ARHGEF1: variants seen among roughly 807,000 people sequenced by gnomAD.
ARHGEF1 encodes 115 kDa guanine nucleotide exchange factor.
Under a neutral mutation model 119.7 loss-of-function variants are expected in ARHGEF1, and 40 were observed. That is an observed-to-expected ratio of 0.33 (90% confidence interval 0.26 to 0.44). The LOEUF (loss-of-function observed/expected upper bound fraction) is 0.44. Ranked by LOEUF, ARHGEF1 falls within the 20% of genes least tolerant of loss-of-function variation. The probability of loss-of-function intolerance (pLI) is 1.00; values close to 1 mark genes in which losing one functional copy is unlikely to be tolerated. For synonymous variants in ARHGEF1, 494 were observed against 521.0 expected (o/e 0.95, Z 0.71); for missense variants, 976 against 1,268.3 (o/e 0.77, Z 3.50).
chr19:41,898,190 G>A, intron 13 of ARHGEF1: 1 of 1,410,698 alleles, frequency 7.1e-7, no homozygotes, highest in Non-Finnish European at 9.2e-7. Flanking sequence ...CAGAGTCACA[G>A]AGGAATGGGC....
At chr19:41,884,744 G>T (rs2074268281) in intron 1 of ARHGEF1, among the ~76,000 whole-genome samples, 1 of 152,110 alleles carries the variant, frequency 6.6e-6, no homozygotes, top group Non-Finnish European at 1.5e-5. Flanking sequence ...TAGACCAGTG[G>T]CATCCCCTAG....
intron 1 of ARHGEF1, chr19:41,928,618 G>T (rs1388477385): frequency 3.2e-5 from 6 of 186,628 alleles, no homozygotes; most frequent in Non-Finnish European, 1.1e-5. Flanking sequence ...GCGGGGGAGG[G>T]GGCGGGGGCG....
upstream of ARHGEF1, among the ~76,000 whole-genome samples, chr19:41,921,189 A>G (rs145949896): frequency 8.6e-5 from 13 of 151,638 alleles, no homozygotes; most frequent in East Asian, 2.3e-3. The surrounding 1 kb of genome is among the most constrained non-coding windows in gnomAD (Gnocchi z 4.4). Context: ...CTGCTCCCCA[A>G]CCTCACTCGT....
chr19:41,893,146 C>T (rs782608271), intron 7 of ARHGEF1, 128 bp from the exon 8 acceptor site: 46 of 1,320,150 alleles, frequency 3.5e-5, no homozygotes, highest in Non-Finnish European at 4.5e-5. Context: ...CCAATCCCTT[C>T]CACAGTGTCC....
Position 41,902,732 on chromosome 19 carries a change from C to G in ARHGEF1, c.1624-52C>G, listed in dbSNP as rs2074624252. ...ACCCAGACTCCTAGGTGCCTGCGCC[C>G]TGGGGTGAGCCCAAAGCCTGGGCCA... On this transcript the variant is annotated intron_variant, in intron 17 of 28. Transcript: ENST00000354532. This position sits in a 1 kb window ranked among gnomAD's most constrained non-coding sequence, Gnocchi z 6.5. 6 of 1,613,252 alleles carry G rather than the reference C, an allele frequency of 3.7e-6. No homozygotes were observed. The highest frequency in any genetic ancestry group is 2.7e-5 in the African/African-American group (2 of 74,920).
chr19:41,908,642 C>A, downstream of ARHGEF1: 1 of 1,231,666 alleles, frequency 8.1e-7, no homozygotes, highest in Non-Finnish European at 1.0e-6. This position sits in a 1 kb window ranked among gnomAD's most constrained non-coding sequence, Gnocchi z 6.7. Context: ...CATAAGGACC[C>A]AGCAGGCCAG....
At chr19:41,911,828 C>G (rs1195506658), downstream of ARHGEF1, among the ~76,000 whole-genome samples, 2 of 152,156 alleles carry the variant, frequency 1.3e-5, no homozygotes, top group Non-Finnish European at 2.9e-5. Context: ...ACCTATGAGG[C>G]ACAGGCACAG....
At chr19:41,922,405 G>A (rs111408248), upstream of ARHGEF1, among the ~76,000 whole-genome samples, 50 of 152,222 alleles carry the variant, frequency 3.3e-4, no homozygotes, top group African/African-American at 1.1e-3. Flanking sequence ...GGATGGAGCC[G>A]AGAGCTAGAG....
intron 1 of ARHGEF1, chr19:41,923,246 C>G (rs1345444581): frequency 4.4e-6 from 2 of 450,752 alleles, no homozygotes; most frequent in Non-Finnish European, 8.9e-6. Flanking sequence ...CAGTATGACT[C>G]TAGGCCCCCG....
At position 41,905,568 on chromosome 19, in the gene ARHGEF1, C is replaced by T; in HGVS notation, c.2337-192C>T. 1 of 640,402 alleles carries T rather than the reference C, an allele frequency of 1.6e-6. No homozygotes were observed. Among genetic ancestry groups the T allele is most frequent in the South Asian group, 1.9e-5 (1 of 51,714 alleles). 39.7% of individuals were successfully genotyped at this position (640,402 alleles called of 1,614,324 possible). On this transcript the variant is annotated intron_variant, in intron 24 of 28. Transcript: ENST00000354532. The surrounding 1 kb of genome is among the most constrained non-coding windows in gnomAD (Gnocchi z 6.4). ...GCGCATGTGCCGACCCCACCACTGC[C>T]CCGTCTGTCTCCTGTCTCCAGGCCT...
chr19:41,926,648 G>A (rs1000236192), intron 1 of ARHGEF1, among the ~76,000 whole-genome samples: 7 of 152,100 alleles, frequency 4.6e-5, no homozygotes, highest in Admixed American at 6.5e-5. Flanking sequence ...CTGGCCTGCC[G>A]GGCAGCCAGG....
At chr19:41,886,123 G>A (rs1344253514) in intron 1 of ARHGEF1, among the ~76,000 whole-genome samples, 1 of 152,192 alleles carries the variant, frequency 6.6e-6, no homozygotes, top group Non-Finnish European at 1.5e-5. Flanking sequence ...CTTATGAGCT[G>A]TGCCTCAGTT....
chr19:41,898,407 C>T (rs372278157), intron 13 of ARHGEF1, 35 bp from the exon 14 acceptor site: 4 of 1,548,968 alleles, frequency 2.6e-6, no homozygotes, highest in African/African-American at 1.4e-5. Flanking sequence ...TTGGGATGGC[C>T]CAAGCTGGGG....
intron 4 of ARHGEF1, among the ~76,000 whole-genome samples, chr19:41,891,795 A>G (rs1555846234): frequency 1.3e-5 from 2 of 152,202 alleles, no homozygotes; most frequent in South Asian, 2.1e-4. Flanking sequence ...ACAAAGGACC[A>G]TAGCACAGGA....
Position 41,902,472 on chromosome 19 carries a change from T to C in ARHGEF1, c.1498-61T>C. The stretch of plus-strand genomic sequence containing the variant: ...GGTCTGGGCTTCCAGCCTGTCGTAC[T>C]TTAGTCCCTGTTCTTGCCCATCCCC... On this transcript the variant is annotated intron_variant, in intron 16 of 28. Transcript: ENST00000354532. The surrounding 1 kb of genome is among the most constrained non-coding windows in gnomAD (Gnocchi z 6.5). The C allele has an allele frequency of 6.2e-7, 1 of 1,612,546 alleles. No homozygotes were observed. Among genetic ancestry groups the C allele is most frequent in the Non-Finnish European group, 8.5e-7 (1 of 1,179,588 alleles).
chr19:41,908,581 G>C, downstream of ARHGEF1: 1 of 1,231,784 alleles, frequency 8.1e-7, no homozygotes, highest in Non-Finnish European at 1.0e-6. This position sits in a 1 kb window ranked among gnomAD's most constrained non-coding sequence, Gnocchi z 6.7. Flanking sequence ...TTGGGGAAGG[G>C]GCCCGTGAGG....
In ARHGEF1 at chr19:41,888,902, G is replaced by C; in HGVS notation, c.225+37G>C. On this transcript the variant is annotated intron_variant, in intron 4 of 28. Coordinates refer to ENST00000354532, the MANE Select transcript of ARHGEF1 (RefSeq NM_004706.4). This position sits in a 1 kb window ranked among gnomAD's most constrained non-coding sequence, Gnocchi z 5.1. ...GCTGGGTGGGCACAGGGAGGGGTGG[G>C]GCTGGGACAGGCACAGCTTTTAGCG... 1 of 1,550,682 alleles carries C rather than the reference G, an allele frequency of 6.4e-7. No homozygotes were observed. The highest frequency in any genetic ancestry group is 1.8e-5 in the Admixed American group (1 of 56,168).
In ARHGEF1 at chr19:41,894,401, T is replaced by C. The variant is rs782358325; in HGVS notation, c.745-50T>C. The C allele has an allele frequency of 7.2e-6, 11 of 1,525,894 alleles. No individual in the cohort carries two copies. The South Asian group carries it at 1.2e-4, about 16-fold the overall frequency. 94.5% of individuals were successfully genotyped at this position (1,525,894 alleles called of 1,614,324 possible). ...ATACCTAGCGTCAAATTCTGCTTTG[T>C]TGTTGTCTCAGAGATGCTTAGCCTG... On this transcript the variant is annotated intron_variant, in intron 9 of 28. Coordinates refer to ENST00000354532, the MANE Select transcript of ARHGEF1 (RefSeq NM_004706.4).
intron 13 of ARHGEF1, chr19:41,897,764 C>A: frequency 1.9e-6 from 1 of 539,490 alleles, no homozygotes; most frequent in Non-Finnish European, 3.0e-6. Context: ...CGTCTCTGTC[C>A]CTGTCCTCGT....
Sources: gnomAD v4.1 joint callset for allele counts (sites outside exome capture counted in the v4.1 genomes callset) on GRCh38, gnomAD v4.1.1 for gene constraint, Gnocchi (gnomAD v3.1) non-coding constraint, MANE v1.5 for transcripts, NCBI Gene and HGNC (gene_info 2026-07-23, HGNC 2026-07-21) for gene names.